RBBP6: variants seen among roughly 807,000 people sequenced by gnomAD.
RBBP6 encodes E3 ubiquitin-protein ligase RBBP6.
In RBBP6, 25 loss-of-function variants were observed where a neutral mutation model predicts 167.7. The observed-to-expected ratio is 0.15, with a 90% CI of 0.11 to 0.21. The LOEUF is 0.21. Among genes scored for constraint, RBBP6 ranks in the 10% least tolerant of loss-of-function variants. The pLI is 1.00. For missense variants in RBBP6, 1,868 were observed against 2,134.2 expected (o/e 0.88, Z 2.46); for synonymous variants, 789 against 735.8 (o/e 1.07, Z -1.17).
chr16:24,546,529 T>C (rs1898656666), intron 2 of RBBP6, among the ~76,000 whole-genome samples: 1 of 152,220 alleles, frequency 6.6e-6, no homozygotes, highest in Non-Finnish European at 1.5e-5. Flanking sequence ...GAAAGTGATA[T>C]TCACATTATT....
intron 8 of RBBP6, 113 bp from the exon 9 acceptor site, chr16:24,561,499 T>A: frequency 3.5e-6 from 3 of 867,858 alleles, no homozygotes; most frequent in Non-Finnish European, 5.4e-6. Flanking sequence ...TAGCACGACA[T>A]GCTTGGAAAA....
rs776247200 is a variant in RBBP6, at chr16:24,571,000, A to G, written c.3934A>G (p.Ile1312Val). The change falls in exon 18 of 18, where the codon ATT (isoleucine) becomes GTT (valine). Residue 1312 changes from isoleucine to valine, a missense_variant. This residue lies in a region of RBBP6 where 19 missense variants were observed against 40.5 expected (regional missense o/e 0.47). Transcript: ENST00000319715. ...DNTAPAEDVI[I>V]MIQVPQSKWD... ...TACCGCGCCAGCTGAAGATGTTATC[A>G]TTATGATTCAGGTTCCTCAATCCAA... is the stretch of plus-strand genomic sequence containing the variant. 1.9e-6 allele frequency: 3 copies of G among 1,612,790 alleles called. No homozygotes were observed. Among genetic ancestry groups the G allele is most frequent in the Admixed American group, 1.7e-5 (1 of 60,022 alleles).
chr16:24,564,922 A>C (rs1376853542), intron 14 of RBBP6, 57 bp downstream of exon 14: 33 of 1,550,908 alleles, frequency 2.1e-5, no homozygotes, highest in Non-Finnish European at 2.9e-5. Flanking sequence ...TATATATCTC[A>C]CCAAAGAAAT....
intron 6 of RBBP6, 110 bp from the exon 7 acceptor site, chr16:24,556,197 AT>A: frequency 1.1e-6 from 1 of 869,666 alleles, no homozygotes; most frequent in Non-Finnish European, 1.8e-6. Flanking sequence ...GAGATCACAT[AT>A]GTAAAGCACT....
intron 9 of RBBP6, 34 bp downstream of exon 9, chr16:24,561,749 T>A (rs573232492): frequency 6.2e-7 from 1 of 1,609,400 alleles, no homozygotes; most frequent in South Asian, 1.1e-5. Flanking sequence ...GAAAAAATTC[T>A]TTTTAACTGA....
Position 24,570,907 on chromosome 16 carries a change from A to G in RBBP6, c.3841A>G (p.Lys1281Glu), listed in dbSNP as rs1451603941. ...TSSTGGSPVR[K>E]SEEKTDTKRT... The stretch of plus-strand genomic sequence containing the variant: ...CTCAACTGGAGGCAGTCCTGTGCGG[A>G]AATCTGAAGAAAAAACAGATACAAA... The change falls in exon 18 of 18, where the codon AAA becomes GAA. Residue 1281 changes from lysine to glutamate, a missense_variant. Lys to Glu is a moderately conservative substitution (Grantham distance 56). Around this residue, in one of 7 missense-constraint regions of RBBP6, gnomAD observed 673 missense variants for 691.5 expected, o/e 0.97. Transcript: ENST00000319715. 6.3e-7 allele frequency: 1 copy of G among 1,583,908 alleles called. No individual in the cohort carries two copies.
chr16:24,561,269 A>G (rs752040226), intron 8 of RBBP6, among the ~76,000 whole-genome samples: 5 of 151,002 alleles, frequency 3.3e-5, no homozygotes, highest in Non-Finnish European at 5.9e-5. Context: ...AAAAAAAAAG[A>G]TGGGGTGGGG....
chr16:24,562,256 A>T, intron 10 of RBBP6, 95 bp downstream of exon 10: 1 of 1,144,190 alleles, frequency 8.7e-7, no homozygotes, highest in Non-Finnish European at 1.3e-6. Context: ...TTCTTAGTGG[A>T]CCACTGTGCT....
At chr16:24,560,105 G>GTTT (rs1164371948) in intron 8 of RBBP6, among the ~76,000 whole-genome samples, 4 of 135,042 alleles carry the variant, frequency 3.0e-5, no homozygotes, top group Non-Finnish European at 4.7e-5. Context: ...CCTGTAGACA[G>GTTT]TTTTTGTTTT....
intron 8 of RBBP6, 116 bp downstream of exon 8, chr16:24,559,793 G>T: frequency 1.1e-6 from 1 of 924,210 alleles, no homozygotes; most frequent in Non-Finnish European, 1.5e-6. Flanking sequence ...GATGACAAGT[G>T]TTGATCAATG....
intron 8 of RBBP6, 151 bp from the exon 9 acceptor site, chr16:24,561,461 A>G (rs1899053524): frequency 9.1e-6 from 6 of 660,330 alleles, no homozygotes; most frequent in Non-Finnish European, 1.5e-5. Flanking sequence ...GAGAGATTTT[A>G]CTTAAGTTTC....
chr16:24,559,060 T>G (rs7200560), intron 7 of RBBP6, among the ~76,000 whole-genome samples: 1 of 151,888 alleles, frequency 6.6e-6, no homozygotes, highest in Non-Finnish European at 1.5e-5. Context: ...GACTTTTGGG[T>G]TATGGAGAAG....
intron 3 of RBBP6, among the ~76,000 whole-genome samples, chr16:24,549,758 T>A (rs550168795): frequency 3.4e-4 from 52 of 152,156 alleles, no homozygotes; most frequent in Middle Eastern, 6.8e-3. Context: ...TTCTATCTAG[T>A]TAGTGCAGAT....
At position 24,572,753 on chromosome 16, in the gene RBBP6, G is replaced by A; in HGVS notation, c.*308G>A. 1 of 226,388 alleles carries A rather than the reference G, an allele frequency of 4.4e-6. No individual in the cohort carries two copies. Among genetic ancestry groups the A allele is most frequent in the East Asian group, 9.0e-5 (1 of 11,154 alleles). The allele number at this position is 226,388 out of a possible 1,614,324, so 14.0% of individuals were successfully genotyped here. On this transcript the variant is annotated 3_prime_UTR_variant, in exon 18 of 18. Coordinates refer to ENST00000319715, the MANE Select transcript of RBBP6 (RefSeq NM_006910.5). Reference sequence around the variant, plus strand: ...CACATTTGAATTTTTTAATTGCCTGGCAAAAGCTGATATAAGTTCTAAAAT... The same window carrying A: ...CACATTTGAATTTTTTAATTGCCTGACAAAAGCTGATATAAGTTCTAAAAT...
At position 24,556,404 on chromosome 16, in the gene RBBP6, A is replaced by G. The variant is rs1343040683; in HGVS notation, c.631A>G (p.Met211Val). The G allele has an allele frequency of 1.9e-6, 3 of 1,609,374 alleles. No homozygotes were observed. The highest frequency in any genetic ancestry group is 2.6e-6 in the Non-Finnish European group (3 of 1,175,848). Residue 211 changes from methionine (M) to valine (V), a missense_variant, in exon 7 of 18, where the codon ATG becomes GTG. This residue lies in a region of RBBP6 where 184 missense variants were observed against 327.7 expected (regional missense o/e 0.56). Transcript: ENST00000319715. ...GAAAGATCCTAATATGAAAGGTGCA[A>G]TGCTTACCAACACTGGAAAATATGC... ...EVKDPNMKGA[M>V]LTNTGKYAIP...
chr16:24,561,494 C>T (rs149336156), intron 8 of RBBP6, 118 bp from the exon 9 acceptor site: 50 of 825,950 alleles, frequency 6.1e-5, no homozygotes, highest in Middle Eastern at 3.6e-4. Flanking sequence ...ATGATTAGCA[C>T]GACATGCTTG....
chr16:24,569,898 G>A lies in RBBP6; in HGVS notation c.3208G>A (p.Asp1070Asn), dbSNP rs776243605. ...KKAKEETPKT[D>N]NTKSSSSSQK... is the part of the protein sequence containing the mutation. ...AGCCAAAGAGGAGACTCCGAAGACT[G>A]ACAATACTAAATCATCATCTTCCTC... Residue 1070 changes from aspartate to asparagine, a missense_variant, in exon 17 of 18, where the codon GAC (aspartate) becomes AAC (asparagine). Transcript: ENST00000319715. The A allele has an allele frequency of 1.6e-5, 26 of 1,610,286 alleles. No individual in the cohort carries two copies. Among genetic ancestry groups the A allele is most frequent in the Non-Finnish European group, 1.4e-5 (16 of 1,179,226 alleles).
chr16:24,568,595 TAG>T, intron 16 of RBBP6, 148 bp from the exon 17 acceptor site: 1 of 1,140,688 alleles, frequency 8.8e-7, no homozygotes, highest in Non-Finnish European at 1.2e-6. Context: ...TCCATTCCAG[TAG>T]AGGTCACTGT....
Position 24,571,216 on chromosome 16 carries a change from A to G in RBBP6, c.4150A>G (p.Ile1384Val), listed in dbSNP as rs1899322155. Reference sequence around the variant, plus strand: ...ATTCACCAAGGACGTGAGCCATGAAATCATACAACATGAGGTTAAAAGTTC... The same window carrying G: ...ATTCACCAAGGACGTGAGCCATGAAGTCATACAACATGAGGTTAAAAGTTC... ...QKFTKDVSHE[I>V]IQHEVKSSKN... Residue 1384 changes from isoleucine to valine, a missense_variant, in exon 18 of 18, where the codon ATC becomes GTC. Ile to Val is a conservative substitution (Grantham distance 29, BLOSUM62 3). Coordinates refer to ENST00000319715, the MANE Select transcript of RBBP6 (RefSeq NM_006910.5). 1 of 1,613,772 alleles carries G rather than the reference A, an allele frequency of 6.2e-7. No individual in the cohort carries two copies. Among genetic ancestry groups the G allele is most frequent in the Non-Finnish European group, 8.5e-7 (1 of 1,179,908 alleles).
Sources: gnomAD v4.1 joint callset for allele counts (sites outside exome capture counted in the v4.1 genomes callset) on GRCh38, gnomAD v4.1.1 for gene constraint, gnomAD v4.1.1 regional missense constraint, MANE v1.5 for transcripts, NCBI Gene and HGNC (gene_info 2026-07-23, HGNC 2026-07-21) for gene names.